The following ZNF622 variants were observed in gnomAD, a reference collection of about 807,000 sequenced individuals.
ZNF622 encodes the protein cytoplasmic 60S subunit biogenesis factor ZNF622.
Under a neutral mutation model 49.7 loss-of-function variants are expected in ZNF622, and 34 were observed. The ratio of observed to expected loss-of-function variants is 0.68; its 90% CI spans 0.52 to 0.91. ZNF622 has a LOEUF of 0.91. ZNF622 is among the 40% of genes least tolerant of loss of function. ZNF622 has a pLI of 0.00. For missense variants in ZNF622, 569 were observed against 616.4 expected (o/e 0.92, Z 0.81); for synonymous variants, 209 against 228.7 (o/e 0.91, Z 0.78).
chr5:16,460,692 C>G (rs1368972659), intron 3 of ZNF622, among the ~76,000 whole-genome samples: 1 of 152,068 alleles, frequency 6.6e-6, no homozygotes, highest in Non-Finnish European at 1.5e-5. Flanking sequence ...GCTCATGCCA[C>G]CACACTTGGC....
At chr5:16,464,726 T>C (rs760516549) in intron 1 of ZNF622, among the ~76,000 whole-genome samples, 2 of 152,226 alleles carry the variant, frequency 1.3e-5, no homozygotes, top group African/African-American at 4.8e-5. Flanking sequence ...GGTATGACGA[T>C]AGCATGTCCT....
chr5:16,451,938 C>T (rs1356248827), intron 5 of ZNF622, among the ~76,000 whole-genome samples, 154 bp from the exon 6 acceptor site: 3 of 152,008 alleles, frequency 2.0e-5, no homozygotes, highest in Non-Finnish European at 4.4e-5. Context: ...CTAAGCCATG[C>T]GCCTCAGGGG....
intron 4 of ZNF622, among the ~76,000 whole-genome samples, chr5:16,456,169 C>T (rs2126491110): frequency 6.6e-6 from 1 of 152,198 alleles, no homozygotes; most frequent in South Asian, 2.1e-4. Context: ...GTGATCATGA[C>T]TCACTGCAGC....
In ZNF622 at chr5:16,452,980, C is replaced by T. The variant is rs376475991; in HGVS notation, c.1306+33G>A. 54 of 1,381,810 alleles carry T rather than the reference C, an allele frequency of 3.9e-5. 1 individual carries two copies. The African/African-American group carries it at 7.3e-4, about 19-fold the overall frequency. 85.6% of individuals were successfully genotyped at this position (1,381,810 alleles called of 1,614,324 possible). On this transcript the variant is annotated intron_variant, in intron 5 of 5. Transcript: ENST00000308683. ...GACCCCTTCTAGAAATACAAGTTCT[C>T]AGACTGGTCTGTAGTTGTAAAGATC...
At chr5:16,453,558 A>ATT (rs1271349459) in intron 4 of ZNF622, among the ~76,000 whole-genome samples, 9 of 39,336 alleles carry the variant, frequency 2.3e-4, no homozygotes, top group Admixed American at 3.7e-4. Context: ...ATAAATAAAA[A>ATT]TTATATATAT....
At position 16,463,453 on chromosome 5, in the gene ZNF622, C is replaced by A; in HGVS notation, c.886+29G>T. On this transcript the variant is annotated intron_variant, in intron 2 of 5. Transcript: ENST00000308683. The surrounding 1 kb of genome is among the most constrained non-coding windows in gnomAD (Gnocchi z 4.2). ...AGTCCCCCAATAATGTGATTATTTC[C>A]TCATTAAAAGGAAAACTATTGTACT... 6.3e-7 allele frequency: 1 copy of A among 1,587,334 alleles called. No homozygotes were observed. The highest frequency in any genetic ancestry group is 8.6e-7 in the Non-Finnish European group (1 of 1,164,422).
At chr5:16,452,147 T>C (rs1466474824) in intron 5 of ZNF622, among the ~76,000 whole-genome samples, 2 of 152,182 alleles carry the variant, frequency 1.3e-5, no homozygotes, top group African/African-American at 4.8e-5. Flanking sequence ...CTCTGCCAGA[T>C]TCAAGTGGCC....
Position 16,465,400 on chromosome 5 carries a change from C to A in ZNF622, c.266G>T (p.Arg89Leu). 1 of 1,614,260 alleles carries A rather than the reference C, an allele frequency of 6.2e-7. No homozygotes were observed. The highest frequency in any genetic ancestry group is 8.5e-7 in the Non-Finnish European group (1 of 1,180,042). ...CTTCTTCTCCAGCTCAACGTGACGC[C>A]GGGACTTGAGGTGGTTCTCGTAGGC... The part of the protein sequence containing the change: ...FNAYENHLKS[R>L]RHVELEKKAV... The change falls in exon 1 of 6, where the codon CGG becomes CTG. Residue 89 changes from arginine to leucine, a missense_variant. Transcript: ENST00000308683. This position sits in a 1 kb window ranked among gnomAD's most constrained non-coding sequence, Gnocchi z 6.2.
At chr5:16,452,060 G>T (rs1737943441) in intron 5 of ZNF622, among the ~76,000 whole-genome samples, 1 of 152,112 alleles carries the variant, frequency 6.6e-6, no homozygotes, top group Non-Finnish European at 1.5e-5. Context: ...AAAAGGTAAA[G>T]CCCCATTAAT....
Position 16,465,179 on chromosome 5 carries a change from T to C in ZNF622, c.487A>G (p.Thr163Ala). The part of the protein sequence containing the change: ...KEARNVVAVG[T>A]GGRGTHDRDP... ...CGGTCGTGGGTCCCACGGCCACCAG[T>C]ACCCACGGCCACGACATTCCTGGCC... The change falls in exon 1 of 6, where the codon ACT becomes GCT. Residue 163 changes from threonine to alanine, a missense_variant. By Grantham distance (58) the Thr-to-Ala change is moderately conservative. Coordinates refer to ENST00000308683, the MANE Select transcript of ZNF622 (RefSeq NM_033414.3). The surrounding 1 kb of genome is among the most constrained non-coding windows in gnomAD (Gnocchi z 6.2). The C allele has an allele frequency of 6.2e-7, 1 of 1,614,170 alleles. No individual in the cohort carries two copies. Among genetic ancestry groups the C allele is most frequent in the Non-Finnish European group, 8.5e-7 (1 of 1,180,020 alleles).
chr5:16,458,387 A>G lies in ZNF622; in HGVS notation c.1162+130T>C, dbSNP rs908216918. On this transcript the variant is annotated intron_variant, in intron 4 of 5. Coordinates refer to ENST00000308683, the MANE Select transcript of ZNF622 (RefSeq NM_033414.3). Reference sequence around the variant, plus strand: ...CAGCAACCTTCAGGGTTTACACCGTACATGAGAACCCAAACATATACTTTA... The same window carrying G: ...CAGCAACCTTCAGGGTTTACACCGTGCATGAGAACCCAAACATATACTTTA... The G allele has an allele frequency of 6.1e-6, 4 of 659,342 alleles. No homozygotes were observed. In the African/African-American group the frequency reaches 7.3e-5, roughly 12 times the overall value. 40.8% of individuals were successfully genotyped at this position (659,342 alleles called of 1,614,324 possible).
At chr5:16,453,395 A>G (rs1009004069) in intron 4 of ZNF622, among the ~76,000 whole-genome samples, 3 of 151,810 alleles carry the variant, frequency 2.0e-5, no homozygotes, top group African/African-American at 7.3e-5. Flanking sequence ...ATTTTTTAAA[A>G]AGAAAATGAC....
intron 3 of ZNF622, 114 bp downstream of exon 3, chr5:16,462,994 A>C: frequency 9.5e-7 from 1 of 1,053,018 alleles, no homozygotes; most frequent in Non-Finnish European, 1.3e-6. Flanking sequence ...AGGTGTTATA[A>C]GTGTTATTAA....
In ZNF622 at chr5:16,451,755, G is replaced by A. The variant is rs896822180; in HGVS notation, c.1336C>T (p.Gln446Ter). 5 of 1,613,882 alleles carry A rather than the reference G, an allele frequency of 3.1e-6. No individual in the cohort carries two copies. The highest frequency in any genetic ancestry group is 1.3e-5 in the African/African-American group (1 of 75,046). ...GAALMRERDM[Q>*]YVQRMKSKWM... ...TTTGATTTCATCCTTTGGACATACT[G>A]CATGTCTCGCTCTCGCATAAGAGCC... The change falls in exon 6 of 6, where the codon CAG becomes TAG. Residue 446 changes from glutamine (Q) to a stop codon, truncating the protein, a stop_gained. Coordinates refer to ENST00000308683, the MANE Select transcript of ZNF622 (RefSeq NM_033414.3). LOFTEE classifies it high-confidence loss of function.
chr5:16,451,936 T>G, intron 5 of ZNF622, 152 bp from the exon 6 acceptor site: 1 of 890,116 alleles, frequency 1.1e-6, no homozygotes, highest in Non-Finnish European at 1.7e-6. Context: ...CTCTAAGCCA[T>G]GCGCCTCAGG....
At chr5:16,464,947 A>C (rs764159896) in intron 1 of ZNF622, 94 bp downstream of exon 1, 63 of 1,477,568 alleles carry the variant, frequency 4.3e-5, no homozygotes, top group Admixed American at 3.2e-4. Context: ...AAAAGCTCTC[A>C]AACACACACA....
chr5:16,465,004 T>C lies in ZNF622; in HGVS notation c.625+37A>G. On this transcript the variant is annotated intron_variant, in intron 1 of 5. Transcript: ENST00000308683. The surrounding 1 kb of genome is among the most constrained non-coding windows in gnomAD (Gnocchi z 6.2). ...TCTGGAAACTTAAGGGTGGGCCAAG[T>C]TCCTCTTTACCCTCCCCGCCCAGAC... 6.5e-7 allele frequency: 1 copy of C among 1,529,398 alleles called. No individual in the cohort carries two copies. The highest frequency in any genetic ancestry group is 8.8e-7 in the Non-Finnish European group (1 of 1,140,268). 94.7% of individuals were successfully genotyped at this position (1,529,398 alleles called of 1,614,324 possible). A position where few individuals can be genotyped will look rare whatever the true frequency, so the allele number is the denominator to read the frequency against.
intron 4 of ZNF622, 92 bp from the exon 5 acceptor site, chr5:16,453,248 T>C (rs1579561041): frequency 2.4e-6 from 3 of 1,248,420 alleles, no homozygotes; most frequent in African/African-American, 3.1e-5. Flanking sequence ...TCAGATCTTT[T>C]AGTATATCTA....
intron 4 of ZNF622, among the ~76,000 whole-genome samples, chr5:16,454,622 G>A (rs1358623022): frequency 6.6e-6 from 1 of 152,080 alleles, no homozygotes; most frequent in African/African-American, 2.4e-5. Flanking sequence ...CTTATTTAAG[G>A]GTGAGGCACA....
Sources: gnomAD v4.1 joint callset for allele counts (sites outside exome capture counted in the v4.1 genomes callset) on GRCh38, gnomAD v4.1.1 for gene constraint, Gnocchi (gnomAD v3.1) non-coding constraint, MANE v1.5 for transcripts, NCBI Gene and HGNC (gene_info 2026-07-23, HGNC 2026-07-21) for gene names.